UNC13B: variants seen among roughly 807,000 people sequenced by gnomAD.
The protein encoded by UNC13B is protein unc-13 homolog B.
UNC13B carries 144 observed loss-of-function variants against 211.0 expected under a neutral mutation model. The observed-to-expected ratio is 0.68, with a 90% CI of 0.60 to 0.78. The LOEUF (loss-of-function observed/expected upper bound fraction) is 0.78, where lower values mean the gene tolerates loss of function less well. UNC13B is among the 30% of genes least tolerant of loss of function. The probability of loss-of-function intolerance (pLI) is 0.00; values close to 1 mark genes in which losing one functional copy is unlikely to be tolerated. For synonymous variants in UNC13B, 709 were observed against 725.8 expected (o/e 0.98, Z 0.37); for missense variants, 1,777 against 2,002.0 (o/e 0.89, Z 2.14).
At position 35,217,383 on chromosome 9, in the gene UNC13B, GTTTGTTTTT is replaced by G. The variant is rs1321857960; in HGVS notation, c.23-10619_23-10611del. Among the ~76,000 whole-genome samples the G allele has an allele frequency of 8.7e-5, 13 of 149,070 alleles. No homozygotes were observed. The East Asian group carries it at 1.8e-3, about 20-fold the overall frequency. On this transcript the variant is annotated intron_variant, in intron 1 of 39. Transcript: ENST00000635942. ...GGATGCCTACTATCATTTCTTGTTT[GTTTGTTTTT>G]TTTGTTTTTTTTTTTTTTGAGACAG...
intron 11 of UNC13B, among the ~76,000 whole-genome samples, chr9:35,330,220 C>T (rs1024455797): frequency 1.8e-4 from 28 of 152,224 alleles, no homozygotes; most frequent in African/African-American, 6.3e-4. Context: ...CAAAGCTCTA[C>T]AAGCATTTGC....
Position 35,384,322 on chromosome 9 carries a change from A to C in UNC13B, c.10875+8A>C, listed in dbSNP as rs898817278. 4.3e-6 allele frequency: 7 copies of C among 1,613,468 alleles called. No homozygotes were observed. The Admixed American group carries it at 1.2e-4, about 27-fold the overall frequency. ...GACCTCTCTACATACAGGGTGAGTG[A>C]AGACACGGCTGTGGGCAGGATAATA... is the stretch of plus-strand genomic sequence containing the variant. On this transcript the variant is annotated splice_region_variant and intron_variant, in intron 22 of 39. Coordinates refer to ENST00000635942, the MANE Select transcript of UNC13B (RefSeq NM_001371189.2).
intron 11 of UNC13B, among the ~76,000 whole-genome samples, chr9:35,365,548 G>C (rs976983637): frequency 6.6e-6 from 1 of 151,796 alleles, no homozygotes; most frequent in Non-Finnish European, 1.5e-5. Flanking sequence ...AATAAGTTCT[G>C]GTTGGTAAGA....
At chr9:35,201,405 G>A (rs1823278643) in intron 1 of UNC13B, among the ~76,000 whole-genome samples, 1 of 152,292 alleles carries the variant, frequency 6.6e-6, no homozygotes, top group African/African-American at 2.4e-5. Context: ...GTTTCAGAAG[G>A]AATGGTACCA....
At chr9:35,222,356 C>T (rs1267413730) in intron 1 of UNC13B, among the ~76,000 whole-genome samples, 1 of 152,154 alleles carries the variant, frequency 6.6e-6, no homozygotes, top group Non-Finnish European at 1.5e-5. Context: ...TTTTAACTTA[C>T]AGGCCTTACA....
At chr9:35,361,944 A>T (rs1833442859) in intron 11 of UNC13B, 1 of 152,246 alleles carries the variant, frequency 6.6e-6, no homozygotes, top group Non-Finnish European at 1.5e-5. Flanking sequence ...ACACGTGAGG[A>T]GCGGAAGGAA....
In UNC13B at chr9:35,404,175, G is replaced by A; in HGVS notation, c.*142G>A. On this transcript the variant is annotated 3_prime_UTR_variant, in exon 40 of 40. Coordinates refer to ENST00000635942, the MANE Select transcript of UNC13B (RefSeq NM_001371189.2). ...AAAGATATTTAAGGAAAAATTTGGG[G>A]TGGTGATAATATGGCTTTTCACAGA... is the stretch of plus-strand genomic sequence containing the variant. 2 of 1,197,304 alleles carry A rather than the reference G, an allele frequency of 1.7e-6. No individual in the cohort carries two copies. Among genetic ancestry groups the A allele is most frequent in the South Asian group, 1.6e-5 (1 of 62,480 alleles). 74.2% of individuals were successfully genotyped at this position (1,197,304 alleles called of 1,614,324 possible).
At position 35,237,725 on chromosome 9, in the gene UNC13B, C is replaced by T. The variant is rs1241099710; in HGVS notation, c.293C>T (p.Thr98Ile). 5 of 1,613,842 alleles carry T rather than the reference C, an allele frequency of 3.1e-6. No homozygotes were observed. Among genetic ancestry groups the T allele is most frequent in the Non-Finnish European group, 4.2e-6 (5 of 1,179,934 alleles). The change falls in exon 5 of 40, where the codon ACA becomes ATA. Residue 98 changes from threonine (T) to isoleucine (I), a missense_variant. Physicochemically the swap from Thr to Ile is moderately conservative, Grantham distance 89 (BLOSUM62 -1). Transcript: ENST00000635942. ...TAGGAAGGGCCTGGGGAATGGTCCA[C>T]ATTAGAGGCAGAGACGTTAATGAAA... The part of the protein sequence containing the change: ...SDEEGPGEWS[T>I]LEAETLMKDD...
rs1441997101 is a variant in UNC13B at position 35,396,553 on chromosome 9, T to G, written c.11386T>G (p.Tyr3796Asp). 1.2e-6 allele frequency: 2 copies of G among 1,613,994 alleles called. No homozygotes were observed. Among genetic ancestry groups the G allele is most frequent in the African/African-American group, 2.7e-5 (2 of 74,900 alleles). ...CAAGGTGAAGTGGCTCCACAATGAA[T>G]ACGTGCGGGATCTGCCTGTCCTCCA... is the stretch of plus-strand genomic sequence containing the variant. ...HFKVKWLHNE[Y>D]VRDLPVLQGQ... The change falls in exon 27 of 40, where the codon TAC (tyrosine) becomes GAC (aspartate). Residue 3796 changes from tyrosine to aspartate, a missense_variant. By Grantham distance (160) the Tyr-to-Asp change is radical (BLOSUM62 -3). Coordinates refer to ENST00000635942, the MANE Select transcript of UNC13B (RefSeq NM_001371189.2).
chr9:35,174,696 C>T (rs571462780), intron 1 of UNC13B, among the ~76,000 whole-genome samples: 292 of 152,024 alleles, frequency 1.9e-3, no homozygotes, highest in African/African-American at 5.8e-3. Context: ...TACAGGCGCC[C>T]GCCACCACGC....
chr9:35,402,212 C>T (rs1229176883), intron 37 of UNC13B, among the ~76,000 whole-genome samples: 4 of 152,094 alleles, frequency 2.6e-5, no homozygotes, highest in African/African-American at 9.7e-5. Context: ...AGCATTCTCC[C>T]ACCCCTCCAC....
intron 1 of UNC13B, among the ~76,000 whole-genome samples, chr9:35,180,037 T>A (rs2131294750): frequency 6.6e-6 from 1 of 152,346 alleles, no homozygotes; most frequent in East Asian, 1.9e-4. Flanking sequence ...GAAATCTGAT[T>A]GTGTATTAAT....
At chr9:35,252,682 G>A (rs1454846067) in intron 6 of UNC13B, among the ~76,000 whole-genome samples, 1 of 151,592 alleles carries the variant, frequency 6.6e-6, no homozygotes, top group African/African-American at 2.4e-5. Context: ...CTCAATCCCA[G>A]CACTTTGGGA....
chr9:35,283,764 C>T (rs1476348538), intron 7 of UNC13B, among the ~76,000 whole-genome samples: 2 of 152,108 alleles, frequency 1.3e-5, no homozygotes, highest in African/African-American at 2.4e-5. Flanking sequence ...GTATTGGCCA[C>T]ATGAGAAGGT....
chr9:35,387,269 A>C (rs1835249000), intron 24 of UNC13B, among the ~76,000 whole-genome samples: 1 of 152,230 alleles, frequency 6.6e-6, no homozygotes. Flanking sequence ...GGATTTGGAC[A>C]ACCAATGATG....
At chr9:35,169,280 A>G (rs1821211411) in intron 1 of UNC13B, among the ~76,000 whole-genome samples, 1 of 152,144 alleles carries the variant, frequency 6.6e-6, no homozygotes. Flanking sequence ...CTTGAGTCCA[A>G]GAGATTGAGG....
intron 7 of UNC13B, among the ~76,000 whole-genome samples, chr9:35,281,723 C>G (rs1400382299): frequency 6.6e-6 from 1 of 152,070 alleles, no homozygotes; most frequent in African/African-American, 2.4e-5. Flanking sequence ...GTTACGCTGC[C>G]CTAAAAATCT....
intron 6 of UNC13B, among the ~76,000 whole-genome samples, chr9:35,255,280 T>C (rs190909930): frequency 6.6e-6 from 1 of 150,938 alleles, no homozygotes; most frequent in Admixed American, 6.7e-5. Context: ...TTTAGATTTA[T>C]AGAAATATTG....
At chr9:35,273,806 T>A (rs1828022931) in intron 7 of UNC13B, among the ~76,000 whole-genome samples, 1 of 152,224 alleles carries the variant, frequency 6.6e-6, no homozygotes, top group South Asian at 2.1e-4. Flanking sequence ...GTGGGCTGTG[T>A]TGGCCGCCTC....
Sources: allele counts gnomAD v4.1 joint callset (sites outside exome capture counted in the v4.1 genomes callset), GRCh38; gene constraint gnomAD v4.1.1; transcripts MANE v1.5; gene names NCBI Gene and HGNC (gene_info 2026-07-23, HGNC 2026-07-21).